HACL2: variants seen among roughly 807,000 people sequenced by gnomAD.
HACL2 encodes 2-hydroxyacyl-CoA lyase 2.
At chr19:15,123,637 A>AG in the HACL2 span, 1 of 1,516,524 alleles carries the variant, frequency 6.6e-7, no homozygotes, top group Admixed American at 1.7e-5. The surrounding 1 kb of genome is among the most constrained non-coding windows in gnomAD (Gnocchi z 5.1). Context: ...CAGCTGGGAA[A>AG]GGGGGCAATC....
At chr19:15,115,983 C>T in the HACL2 span, 2 of 1,614,120 alleles carry the variant, frequency 1.2e-6, no homozygotes, top group East Asian at 2.2e-5. Flanking sequence ...AGCAAGTCTC[C>T]CAACTCCAGT....
the HACL2 span, chr19:15,120,163 C>G: frequency 4.3e-6 from 4 of 934,206 alleles, no homozygotes; most frequent in Admixed American, 2.3e-5. Context: ...GGAAAGGGGC[C>G]GGGAGAAAAG....
chr19:15,122,656 G>A, the HACL2 span: 4 of 1,546,994 alleles, frequency 2.6e-6, no homozygotes, highest in South Asian at 4.5e-5. The surrounding 1 kb of genome is among the most constrained non-coding windows in gnomAD (Gnocchi z 4.0). Context: ...AGAGAACGGG[G>A]GATAAAGGAG....
the HACL2 span, chr19:15,117,013 T>G: frequency 4.6e-5 from 8 of 172,358 alleles, no homozygotes; most frequent in Admixed American, 3.0e-4. Flanking sequence ...AGTTCAGGCC[T>G]CCTCGCTTCT....
chr19:15,122,226 T>C, the HACL2 span, among the ~76,000 whole-genome samples: 5 of 152,082 alleles, frequency 3.3e-5, no homozygotes, highest in Non-Finnish European at 7.4e-5. This position sits in a 1 kb window ranked among gnomAD's most constrained non-coding sequence, Gnocchi z 4.0. Flanking sequence ...ACTTCTTAGC[T>C]GTGTGACTTT....
At chr19:15,122,668 G>A in the HACL2 span, 2 of 1,583,926 alleles carry the variant, frequency 1.3e-6, no homozygotes, top group Middle Eastern at 1.7e-4. The surrounding 1 kb of genome is among the most constrained non-coding windows in gnomAD (Gnocchi z 4.0). Flanking sequence ...ATAAAGGAGG[G>A]AATGGCAGGG....
At chr19:15,124,769 A>G in the HACL2 span, 29 of 1,013,630 alleles carry the variant, frequency 2.9e-5, no homozygotes, top group Admixed American at 5.8e-4. Flanking sequence ...CAGCGTGGCA[A>G]TGGAGACAGG....
the HACL2 span, chr19:15,115,514 G>T: frequency 6.2e-7 from 1 of 1,600,060 alleles, no homozygotes; most frequent in Non-Finnish European, 8.5e-7. Context: ...CACAAGCCCA[G>T]CTGGGACTGA....
At chr19:15,124,826 C>T in the HACL2 span, 2 of 1,474,974 alleles carry the variant, frequency 1.4e-6, no homozygotes, top group Non-Finnish European at 1.8e-6. Flanking sequence ...AGTCGGGGCT[C>T]GCTTTCCCAC....
the HACL2 span, among the ~76,000 whole-genome samples, chr19:15,120,732 A>C: frequency 6.6e-6 from 1 of 152,218 alleles, no homozygotes. Context: ...CAGAGTCAGA[A>C]GCCTCTGCTT....
chr19:15,115,070 G>A, the HACL2 span: 1 of 691,122 alleles, frequency 1.4e-6, no homozygotes, highest in Non-Finnish European at 2.5e-6. Flanking sequence ...CCGTGAAGAG[G>A]AGGGTCCAAG....
At chr19:15,116,432 T>G in the HACL2 span, 1 of 1,613,734 alleles carries the variant, frequency 6.2e-7, no homozygotes, top group Non-Finnish European at 8.5e-7. Context: ...CTTCTGCCGG[T>G]CGGCTTCCCG....
the HACL2 span, chr19:15,116,456 C>G: frequency 3.2e-5 from 52 of 1,613,862 alleles, no homozygotes; most frequent in South Asian, 5.2e-4. Context: ...CTCCTCCACC[C>G]AGTCTGGGGC....
chr19:15,118,043 G>A, the HACL2 span: 4 of 1,613,420 alleles, frequency 2.5e-6, no homozygotes, highest in Non-Finnish European at 3.4e-6. Context: ...AATGCAGTAG[G>A]CAGAGGCCCC....
the HACL2 span, among the ~76,000 whole-genome samples, chr19:15,118,362 A>G: frequency 6.6e-6 from 1 of 152,088 alleles, no homozygotes; most frequent in Non-Finnish European, 1.5e-5. Context: ...GACACCCAAC[A>G]AGGAAGATAT....
the HACL2 span, among the ~76,000 whole-genome samples, chr19:15,121,574 C>T: frequency 1.3e-3 from 202 of 151,834 alleles, no homozygotes; most frequent in African/African-American, 4.7e-3. Context: ...TTTGAGAGGC[C>T]GAGGAGGGTG....
At chr19:15,119,542 GCTGT>G in the HACL2 span, 22 of 1,580,604 alleles carry the variant, frequency 1.4e-5, no homozygotes, top group East Asian at 4.9e-4. Context: ...GGATCAAAGG[GCTGT>G]CTTTTTATTT....
At chr19:15,116,869 G>A in the HACL2 span, 1 of 285,568 alleles carries the variant, frequency 3.5e-6, no homozygotes. Flanking sequence ...TCAAATCCAG[G>A]CACGTGGAAG....
At chr19:15,119,603 T>C in the HACL2 span, 1 of 1,124,654 alleles carries the variant, frequency 8.9e-7, no homozygotes, top group Non-Finnish European at 1.3e-6. Flanking sequence ...CAGGATAGAG[T>C]GTAATGGCAT....
Sources: gnomAD v4.1 joint callset for allele counts (sites outside exome capture counted in the v4.1 genomes callset) on GRCh38, gnomAD v4.1.1 for gene constraint, Gnocchi (gnomAD v3.1) non-coding constraint, MANE v1.5 for transcripts, NCBI Gene and HGNC (gene_info 2026-07-23, HGNC 2026-07-21) for gene names.